Variants in PDGFRB observed in about 807,000 individuals in gnomAD.
The protein encoded by PDGFRB is platelet derived growth factor receptor beta.
In PDGFRB, 42 loss-of-function variants were observed where a neutral mutation model predicts 120.2. The ratio of observed to expected loss-of-function variants is 0.35; its 90% CI spans 0.27 to 0.45. The LOEUF is 0.45. PDGFRB is among the 20% of genes least tolerant of loss of function. The pLI is 1.00. For missense variants in PDGFRB, 1,149 were observed against 1,476.3 expected, an observed-to-expected ratio of 0.78 and a Z score of 3.63; for synonymous variants, 586 against 606.8, an observed-to-expected ratio of 0.97 and a Z score of 0.50.
chr5:150,139,388 T>C (rs1181675233), intron 1 of PDGFRB, among the ~76,000 whole-genome samples: 1 of 151,992 alleles, frequency 6.6e-6, no homozygotes, highest in African/African-American at 2.4e-5. Context: ...TGCGTCCCCA[T>C]CCATATAGAG....
rs563200237 is a variant in PDGFRB at position 150,124,503 on chromosome 5, A to C, written c.1913-143T>G. On this transcript the variant is annotated intron_variant, in intron 13 of 22. Transcript: ENST00000261799. ...GGCGGGGGTGAGCACCCACACTCTGAGGAGGGGAAGAGGCCAGGGTAGGGG... is the reference window on the plus strand; with the variant it reads ...GGCGGGGGTGAGCACCCACACTCTGCGGAGGGGAAGAGGCCAGGGTAGGGG... The C allele has an allele frequency of 2.0e-5, 13 of 658,888 alleles. No individual in the cohort carries two copies. In the African/African-American group the frequency reaches 2.4e-4, roughly 12 times the overall value. 40.8% of individuals were successfully genotyped at this position (658,888 alleles called of 1,614,324 possible). A position where few individuals can be genotyped will look rare whatever the true frequency, so the allele number is the denominator to read the frequency against.
Position 150,114,863 on chromosome 5 carries a change from G to T in PDGFRB, c.*900C>A. The T allele has an allele frequency of 4.3e-6, 1 of 233,514 alleles. No homozygotes were observed. The highest frequency in any genetic ancestry group is 1.8e-4 in the South Asian group (1 of 5,538). 14.5% of individuals were successfully genotyped at this position (233,514 alleles called of 1,614,324 possible). A position where few individuals can be genotyped will look rare whatever the true frequency, so the allele number is the denominator to read the frequency against. On this transcript the variant is annotated 3_prime_UTR_variant, in exon 23 of 23. Transcript: ENST00000261799. ...AGAGAGGGTGAGGGATTCCTCCAAA[G>T]CCTCATAGCAGGTCCAATGCAGAGC...
At chr5:150,130,685 T>C in intron 8 of PDGFRB, 23 bp from the exon 9 acceptor site, 3 of 1,611,214 alleles carry the variant, frequency 1.9e-6, no homozygotes, top group Non-Finnish European at 2.5e-6. Context: ...AGCACTGAGT[T>C]AGGAGGCGGG....
chr5:150,117,802 T>C lies in PDGFRB; in HGVS notation c.2953A>G (p.Ile985Val). 6.2e-7 allele frequency: 1 copy of C among 1,613,700 alleles called. No individual in the cohort carries two copies. The highest frequency in any genetic ancestry group is 8.5e-7 in the Non-Finnish European group (1 of 1,179,756). ...EEFLRSDHPA[I>V]LRSQARLPGF... ...GGCAAGCGGGCCTGGGACCGAAGGA[T>C]GGCTGGGTGGTCACTCCTCAGAAAC... is the stretch of plus-strand genomic sequence containing the variant. Residue 985 changes from isoleucine (I) to valine (V), a missense_variant, in exon 22 of 23, where the codon ATC becomes GTC. Ile to Val is a conservative substitution (Grantham distance 29, BLOSUM62 3). Coordinates refer to ENST00000261799, the MANE Select transcript of PDGFRB (RefSeq NM_002609.4).
rs1221034059 is a variant in PDGFRB at position 150,121,423 on chromosome 5, G to A, written c.2345-101C>T. The stretch of plus-strand genomic sequence containing the variant: ...GGGAGACTGAATGTCCAAGACAGGT[G>A]GCTACTGATCGTCTAGGTCTCCCCT... On this transcript the variant is annotated intron_variant, in intron 16 of 22. Transcript: ENST00000261799. This position sits in a 1 kb window ranked among gnomAD's most constrained non-coding sequence, Gnocchi z 4.1. 1.7e-5 allele frequency: 13 copies of A among 753,470 alleles called. No individual in the cohort carries two copies. Among genetic ancestry groups the A allele is most frequent in the Non-Finnish European group, 2.7e-5 (11 of 402,608 alleles). The allele number at this position is 753,470 out of a possible 1,614,324, so 46.7% of individuals were successfully genotyped here.
chr5:150,122,193 TCAAC>T, intron 15 of PDGFRB, 153 bp from the exon 16 acceptor site: 1 of 622,872 alleles, frequency 1.6e-6, no homozygotes, highest in Middle Eastern at 4.4e-4. Flanking sequence ...TCAAGACTTT[TCAAC>T]CAACCTGCTG....
At chr5:150,137,158 G>T in intron 1 of PDGFRB, 105 bp from the exon 2 acceptor site, 1 of 889,104 alleles carries the variant, frequency 1.1e-6, no homozygotes. Context: ...GGGCCACCCA[G>T]CCTTCATGTC....
rs374208706 is a variant in PDGFRB at position 150,132,909 on chromosome 5, C to T, written c.968G>A (p.Gly323Asp). The T allele has an allele frequency of 1.6e-5, 26 of 1,576,670 alleles. No individual in the cohort carries two copies. Among genetic ancestry groups the T allele is most frequent in the African/African-American group, 1.6e-4 (12 of 74,128 alleles). The change falls in exon 7 of 23, where the codon GGC becomes GAC. Residue 323 changes from glycine (G) to aspartate (D), a missense_variant. By Grantham distance (94) the Gly-to-Asp change is moderately conservative (BLOSUM62 -1). Around this residue, in one of 3 missense-constraint regions of PDGFRB, gnomAD observed 879 missense variants for 1,108.6 expected, o/e 0.79. Coordinates refer to ENST00000261799, the MANE Select transcript of PDGFRB (RefSeq NM_002609.4). This position sits in a 1 kb window ranked among gnomAD's most constrained non-coding sequence, Gnocchi z 5.0. Reference protein sequence around the residue: ...SGYVRLLGEVGTLQFAELHRS... With the variant: ...SGYVRLLGEVDTLQFAELHRS... The stretch of plus-strand genomic sequence containing the variant: ...ATGCAGCTCAGCAAATTGTAGTGTG[C>T]CCACCTCTCCCAGGAGCCGCACGTA...
At chr5:150,126,486 C>T in intron 11 of PDGFRB, 34 bp downstream of exon 11, 1 of 1,081,644 alleles carries the variant, frequency 9.2e-7, no homozygotes, top group Non-Finnish European at 1.4e-6. Context: ...AATGATGTGC[C>T]AGTCTTCACC....
At chr5:150,139,926 G>A (rs1760734458) in intron 1 of PDGFRB, among the ~76,000 whole-genome samples, 1 of 151,646 alleles carries the variant, frequency 6.6e-6, no homozygotes, top group Non-Finnish European at 1.5e-5. Flanking sequence ...GTTGCAGTGA[G>A]CTGAGATCAC....
At chr5:150,119,964 T>C (rs1390038619) in intron 19 of PDGFRB, 48 bp downstream of exon 19, 10 of 952,692 alleles carry the variant, frequency 1.0e-5, no homozygotes, top group Non-Finnish European at 1.7e-5. Flanking sequence ...GTGGTCGAGG[T>C]AGACACCAGG....
rs41287104 is a variant in PDGFRB, at chr5:150,120,163, A to T, written c.2587-40T>A. On this transcript the variant is annotated intron_variant, in intron 18 of 22. Coordinates refer to ENST00000261799, the MANE Select transcript of PDGFRB (RefSeq NM_002609.4). This position sits in a 1 kb window ranked among gnomAD's most constrained non-coding sequence, Gnocchi z 4.3. ...GGACAGGTGCTGAGTGCAAGGAAGG[A>T]CCTCAGCCCCACTCTGCACCTGGGA... is the stretch of plus-strand genomic sequence containing the variant. 0.022 allele frequency: 19,572 copies of T among 887,754 alleles called. 300 individuals carry two copies. The highest frequency in any genetic ancestry group is 0.035 in the Middle Eastern group (164 of 4,638). The allele number at this position is 887,754 out of a possible 1,614,324, so 55.0% of individuals were successfully genotyped here. A position where few individuals can be genotyped will look rare whatever the true frequency, so the allele number is the denominator to read the frequency against.
chr5:150,143,968 C>A (rs2113923710), intron 1 of PDGFRB, among the ~76,000 whole-genome samples: 1 of 152,214 alleles, frequency 6.6e-6, no homozygotes, highest in African/African-American at 2.4e-5. Context: ...TGCTTCTAGG[C>A]CCGGGGTCCT....
intron 1 of PDGFRB, chr5:150,153,812 C>G (rs1165282359): frequency 6.6e-6 from 1 of 152,028 alleles, no homozygotes; most frequent in Non-Finnish European, 1.5e-5. Context: ...CCTGGAGTAG[C>G]CACACGATGT....
chr5:150,131,557 G>A (rs1166029605), intron 8 of PDGFRB, among the ~76,000 whole-genome samples: 1 of 152,164 alleles, frequency 6.6e-6, no homozygotes, highest in Non-Finnish European at 1.5e-5. Flanking sequence ...TAATTTGCTG[G>A]GGTTTTCCTC....
At position 150,119,475 on chromosome 5, in the gene PDGFRB, G is replaced by A. The variant is rs1561987299; in HGVS notation, c.2790C>T (p.Ser930=). ...GYRMAQPAHA[S]DEIYEIMQKC... is the part of the protein sequence containing the mutation. ...CATGAGACTCCACTCACATCTCGTC[G>A]GAGGCATGGGCAGGCTGGGCCATGC... Residue 930 remains serine (S), a synonymous_variant, in exon 20 of 23, where the codon TCC becomes TCT. Coordinates refer to ENST00000261799, the MANE Select transcript of PDGFRB (RefSeq NM_002609.4). The A allele has an allele frequency of 5.0e-6, 8 of 1,586,578 alleles. No homozygotes were observed. The highest frequency in any genetic ancestry group is 1.3e-5 in the African/African-American group (1 of 74,458).
At chr5:150,149,215 T>C (rs1365451611) in intron 1 of PDGFRB, among the ~76,000 whole-genome samples, 4 of 152,004 alleles carry the variant, frequency 2.6e-5, no homozygotes, top group Non-Finnish European at 5.9e-5. Flanking sequence ...AGGCTGTGGA[T>C]TAGGATGGGG....
In PDGFRB at chr5:150,132,248, G is replaced by A. The variant is rs1433821211; in HGVS notation, c.1128-154C>T. ...AGAGCCGGGACTCAAACCAGGTCTC[G>A]TAAATCCTCACCCACAGGCAGTTCC... On this transcript the variant is annotated intron_variant, in intron 7 of 22. Transcript: ENST00000261799. This position sits in a 1 kb window ranked among gnomAD's most constrained non-coding sequence, Gnocchi z 5.0. Among the ~76,000 whole-genome samples, 1 of 152,186 alleles carries A rather than the reference G, an allele frequency of 6.6e-6. No individual in the cohort carries two copies. The highest frequency in any genetic ancestry group is 1.5e-5 in the Non-Finnish European group (1 of 68,030).
At chr5:150,139,531 G>C (rs899747955) in intron 1 of PDGFRB, among the ~76,000 whole-genome samples, 1 of 152,110 alleles carries the variant, frequency 6.6e-6, no homozygotes, top group African/African-American at 2.4e-5. Context: ...GTAAGCAGGA[G>C]GGGGCTACAT....
Sources: allele counts gnomAD v4.1 joint callset (sites outside exome capture counted in the v4.1 genomes callset), GRCh38; gene constraint gnomAD v4.1.1; regional missense constraint gnomAD v4.1.1; non-coding constraint Gnocchi (gnomAD v3.1); transcripts MANE v1.5; gene names NCBI Gene and HGNC (gene_info 2026-07-23, HGNC 2026-07-21).